ESPNL: variants seen among roughly 807,000 people sequenced by gnomAD.
ESPNL encodes the protein espin-like protein.
A neutral mutation model predicts 46.8 loss-of-function variants in ESPNL; 49 were observed. That is an observed-to-expected ratio of 1.05 (90% CI 0.83 to 1.33). The LOEUF is 1.33. ESPNL is among the 40% of genes most tolerant of loss of function. The probability of loss-of-function intolerance (pLI) is 0.00; values close to 1 mark genes in which losing one functional copy is unlikely to be tolerated. For synonymous variants in ESPNL, 664 were observed against 662.1 expected (o/e 1.00, Z -0.04); for missense variants, 1,540 against 1,436.6 (o/e 1.07, Z -1.16).
At position 238,131,119 on chromosome 2, in the gene ESPNL, G is replaced by A; in HGVS notation, c.2405G>A (p.Ser802Asn). 1 of 1,545,232 alleles carries A rather than the reference G, an allele frequency of 6.5e-7. No individual in the cohort carries two copies. ...PRLGHLWQQR[S>N]TITHLLGNWK... is the part of the protein sequence containing the mutation. ...CTGGGCCACCTGTGGCAGCAGCGCA[G>A]CACCATCACCCACCTGCTGGGCAAC... The change falls in exon 9 of 9, where the codon AGC becomes AAC. Residue 802 changes from serine (S) to asparagine (N), a missense_variant. Transcript: ENST00000343063.
intron 8 of ESPNL, among the ~76,000 whole-genome samples, chr2:238,129,602 C>A (rs1237732196): frequency 6.6e-6 from 1 of 152,200 alleles, no homozygotes; most frequent in Non-Finnish European, 1.5e-5. Context: ...TAACAGGCTC[C>A]CCGGGCTGCT....
chr2:238,110,534 C>T (rs4663843), intron 4 of ESPNL, among the ~76,000 whole-genome samples: 108 of 6,072 alleles, frequency 0.018, 7 homozygotes, highest in African/African-American at 0.024. Flanking sequence ...GGGTGCCACA[C>T]GTTACCGAGT....
At chr2:238,127,312 C>T (rs1231904428) in intron 6 of ESPNL, 14 of 1,175,092 alleles carry the variant, frequency 1.2e-5, no homozygotes, top group East Asian at 4.2e-5. Flanking sequence ...GCTTTGGGGC[C>T]TGCAGAGCTG....
intron 1 of ESPNL, 114 bp from the exon 2 acceptor site, chr2:238,101,827 A>G: frequency 2.8e-6 from 2 of 713,550 alleles, no homozygotes; most frequent in South Asian, 1.8e-5. Flanking sequence ...AGGAGCTGGA[A>G]GCCCCTTCAC....
At chr2:238,126,497 CTGTT>C (rs200991522) in intron 6 of ESPNL, among the ~76,000 whole-genome samples, 2,375 of 147,366 alleles carry the variant, frequency 0.016, 60 homozygotes, top group African/African-American at 0.055. Flanking sequence ...TCTGTTCTGT[CTGTT>C]TCTGTGTGTG....
Position 238,125,374 on chromosome 2 carries a change from G to GAA in ESPNL, c.1093_1094dup (p.Asn365LysfsTer25). 1.9e-6 allele frequency: 3 copies of GAA among 1,554,604 alleles called. No individual in the cohort carries two copies. Among genetic ancestry groups the GAA allele is most frequent in the Non-Finnish European group, 8.7e-7 (1 of 1,150,368 alleles). On this transcript the variant is annotated frameshift_variant, in exon 6 of 9. Transcript: ENST00000343063. LOFTEE classifies it high-confidence loss of function. Reference sequence around the variant, plus strand: ...GAAGAAGAGGAGGCCCAGGGCCAGGGAACCCCAGCCGTGAGTGCACAGCCC... The same window carrying GAA: ...GAAGAAGAGGAGGCCCAGGGCCAGGGAAAACCCCAGCCGTGAGTGCACAGCCC...
At chr2:238,102,472 G>A (rs115991352) in intron 2 of ESPNL, among the ~76,000 whole-genome samples, 3,249 of 152,276 alleles carry the variant, frequency 0.021, 125 homozygotes, top group African/African-American at 0.075. Flanking sequence ...AACAGCTGGG[G>A]ACGTGGGCAG....
At position 238,130,265 on chromosome 2, in the gene ESPNL, G is replaced by A. The variant is rs142232516; in HGVS notation, c.1551G>A (p.Leu517=). Residue 517 remains leucine, a synonymous_variant, in exon 9 of 9, where the codon CTG becomes CTA. Coordinates refer to ENST00000343063, the MANE Select transcript of ESPNL (RefSeq NM_194312.4). ...LVYLEKQIAD[L]QLRRRCQEYE... is the part of the protein sequence containing the mutation. ...ACCTGGAGAAGCAGATTGCAGACCT[G>A]CAGCTTCGGCGCCGCTGTCAGGAGT... 15 of 1,608,976 alleles carry A rather than the reference G, an allele frequency of 9.3e-6. No individual in the cohort carries two copies. In the African/African-American group the frequency reaches 1.1e-4, roughly 11 times the overall value.
At chr2:238,119,874 C>A (rs1364217622) in intron 5 of ESPNL, among the ~76,000 whole-genome samples, 1 of 152,088 alleles carries the variant, frequency 6.6e-6, no homozygotes, top group Non-Finnish European at 1.5e-5. Flanking sequence ...GAGCCACAGT[C>A]CCCCCCACCC....
Position 238,131,402 on chromosome 2 carries a change from T to C in ESPNL, c.2688T>C (p.Ala896=). The C allele has an allele frequency of 6.2e-7, 1 of 1,607,268 alleles. No individual in the cohort carries two copies. The highest frequency in any genetic ancestry group is 8.5e-7 in the Non-Finnish European group (1 of 1,177,640). Reference sequence around the variant, plus strand: ...ACCTGGGCACCCACGGCTGGGAGGCTGTGCGCGCCTTCCACAAGGCCGTGA... The same window carrying C: ...ACCTGGGCACCCACGGCTGGGAGGCCGTGCGCGCCTTCCACAAGGCCGTGA... ...FEHLGTHGWE[A]VRAFHKAVTD... is the part of the protein sequence containing the mutation. Residue 896 remains alanine (A), a synonymous_variant, in exon 9 of 9, where the codon GCT becomes GCC. Coordinates refer to ENST00000343063, the MANE Select transcript of ESPNL (RefSeq NM_194312.4).
At chr2:238,129,092 C>A (rs1574746600) in intron 8 of ESPNL, 188 bp downstream of exon 8, 1 of 1,423,172 alleles carries the variant, frequency 7.0e-7, no homozygotes, top group Non-Finnish European at 9.2e-7. Context: ...TGAGCAGAGC[C>A]CCTTCACCTG....
intron 3 of ESPNL, among the ~76,000 whole-genome samples, chr2:238,107,083 C>T (rs539275170): frequency 2.0e-5 from 3 of 152,360 alleles, no homozygotes; most frequent in Admixed American, 6.5e-5. Flanking sequence ...GCCCATCACC[C>T]GTCTGTCAGG....
chr2:238,105,176 C>G (rs1300652568), intron 3 of ESPNL, among the ~76,000 whole-genome samples: 2 of 152,126 alleles, frequency 1.3e-5, no homozygotes, highest in African/African-American at 4.8e-5. Context: ...GCGCCCACAC[C>G]AGCAGTGCCC....
chr2:238,122,572 C>A (rs1183709897), intron 5 of ESPNL, among the ~76,000 whole-genome samples: 1 of 152,194 alleles, frequency 6.6e-6, no homozygotes, highest in African/African-American at 2.4e-5. Flanking sequence ...GTCCGGTAGT[C>A]CCCTGAGCCC....
chr2:238,127,549 C>T, intron 6 of ESPNL, 73 bp from the exon 7 acceptor site: 1 of 1,493,312 alleles, frequency 6.7e-7, no homozygotes, highest in Non-Finnish European at 9.0e-7. Flanking sequence ...CCCCCAGGGC[C>T]GGATCCCCGA....
chr2:238,109,019 C>T (rs976281055), intron 4 of ESPNL, among the ~76,000 whole-genome samples: 2 of 152,214 alleles, frequency 1.3e-5, no homozygotes, highest in Non-Finnish European at 2.9e-5. Context: ...CCCGTCCACT[C>T]AGCTCTGCAC....
chr2:238,121,296 G>A (rs1358959697), intron 5 of ESPNL, among the ~76,000 whole-genome samples: 8 of 152,228 alleles, frequency 5.3e-5, no homozygotes, highest in African/African-American at 1.9e-4. Context: ...GGGGAGCAGA[G>A]CCTCTGGCAT....
chr2:238,123,423 A>T (rs1049865455), intron 5 of ESPNL, among the ~76,000 whole-genome samples: 2 of 151,546 alleles, frequency 1.3e-5, no homozygotes, highest in Non-Finnish European at 2.9e-5. Flanking sequence ...CAATTTCCCC[A>T]TCTGTGCCCT....
chr2:238,131,230 T>A lies in ESPNL; in HGVS notation c.2516T>A (p.Phe839Tyr), dbSNP rs1164103353. Residue 839 changes from phenylalanine (F) to tyrosine (Y), a missense_variant, in exon 9 of 9, where the codon TTC becomes TAC. Transcript: ENST00000343063. ...CGCGGGGCTTTGTCCCCCGAGCAGT[T>A]CCTGCCCCACGTGGACGGGGCTCCG... ...QPRGALSPEQ[F>Y]LPHVDGAPVP... The A allele has an allele frequency of 1.9e-6, 3 of 1,559,116 alleles. No homozygotes were observed. In the African/African-American group the frequency reaches 4.1e-5, roughly 21 times the overall value.
Sources: gnomAD v4.1 joint callset for allele counts (sites outside exome capture counted in the v4.1 genomes callset) on GRCh38, gnomAD v4.1.1 for gene constraint, MANE v1.5 for transcripts, NCBI Gene and HGNC (gene_info 2026-07-23, HGNC 2026-07-21) for gene names.